DMD: variants seen among roughly 807,000 people sequenced by gnomAD.
The protein encoded by DMD is dystrophin, also known as mutant dystrophin.
In DMD, 63 loss-of-function variants were observed where a neutral mutation model predicts 330.1. The observed-to-expected ratio is 0.19, with a 90% CI of 0.16 to 0.24. The LOEUF is 0.24. DMD is among the 10% of genes least tolerant of loss of function. The probability of loss-of-function intolerance (pLI) is 1.00; values close to 1 mark genes in which losing one functional copy is unlikely to be tolerated. For synonymous variants in DMD, 1,223 were observed against 959.8 expected (o/e 1.27, Z -5.07); for missense variants, 3,344 against 2,684.1 (o/e 1.25, Z -5.43).
intron 64 of DMD, among the ~76,000 whole-genome samples, chrX:31,215,767 T>A (rs955145029): frequency 1.5e-4 from 17 of 112,289 alleles, no homozygotes; most frequent in African/African-American, 5.5e-4. Context: ...TTTGCCCCAT[T>A]ACTCCGTGTG....
At chrX:32,674,820 C>T (rs1407943420) in intron 9 of DMD, among the ~76,000 whole-genome samples, 1 of 111,321 alleles carries the variant, frequency 9.0e-6, no homozygotes, top group African/African-American at 3.3e-5. Flanking sequence ...GAAGCAAAGA[C>T]TTCTCCTTAA....
At chrX:32,790,401 G>T (rs1056895107) in intron 7 of DMD, among the ~76,000 whole-genome samples, 2 of 111,075 alleles carry the variant, frequency 1.8e-5, no homozygotes, top group Admixed American at 1.9e-4. Flanking sequence ...ACCCGTGTGG[G>T]CCCCCAAACC....
At chrX:31,362,885 G>A (rs913022221) in intron 60 of DMD, among the ~76,000 whole-genome samples, 25 of 112,721 alleles carry the variant, frequency 2.2e-4, no homozygotes, top group Admixed American at 1.6e-3. Context: ...CGGAGGCGGA[G>A]CTTGCAGTGA....
intron 2 of DMD, among the ~76,000 whole-genome samples, chrX:32,955,395 T>TC (rs59555675): frequency 1.8e-5 from 2 of 110,441 alleles, no homozygotes; most frequent in East Asian, 5.8e-4. Context: ...GGTTTTTTTT[T>TC]CTCATAGATT....
intron 55 of DMD, among the ~76,000 whole-genome samples, chrX:31,516,172 C>T (rs1451812935): frequency 9.2e-6 from 1 of 108,480 alleles, no homozygotes; most frequent in East Asian, 2.9e-4. Context: ...TAAAAAGCAT[C>T]GGCTTAAATT....
intron 1 of DMD, among the ~76,000 whole-genome samples, chrX:33,124,925 G>A (rs144949031): frequency 0.019 from 1,964 of 105,027 alleles, 55 homozygotes; most frequent in African/African-American, 0.064. Context: ...TCGGGAGGCT[G>A]AGGCAGGAGA....
At chrX:32,912,544 T>C (rs1205670865) in intron 2 of DMD, among the ~76,000 whole-genome samples, 2 of 111,816 alleles carry the variant, frequency 1.8e-5, no homozygotes, top group Non-Finnish European at 3.8e-5. Flanking sequence ...AACAGTAGTA[T>C]GCATAAATAA....
intron 51 of DMD, among the ~76,000 whole-genome samples, chrX:31,748,532 A>G (rs760747572): frequency 4.5e-5 from 5 of 111,997 alleles, no homozygotes; most frequent in Non-Finnish European, 9.4e-5. Flanking sequence ...ATGTTCTGCT[A>G]CACTTTCTCG....
At chrX:31,961,740 GT>G (rs59279553) in intron 45 of DMD, among the ~76,000 whole-genome samples, 200 of 75,576 alleles carry the variant, frequency 2.6e-3, no homozygotes, top group Middle Eastern at 7.6e-3. Flanking sequence ...AAAGGAAGCG[GT>G]TTTTTTTTTT....
intron 55 of DMD, among the ~76,000 whole-genome samples, chrX:31,566,499 C>T (rs1174151206): frequency 1.8e-5 from 2 of 111,840 alleles, no homozygotes; most frequent in Non-Finnish European, 3.8e-5. Flanking sequence ...GATAGCCTTA[C>T]TATATTGTTA....
chrX:31,812,065 C>T (rs1328540265), intron 50 of DMD, among the ~76,000 whole-genome samples: 1 of 108,330 alleles, frequency 9.2e-6, no homozygotes, highest in Non-Finnish European at 1.9e-5. Context: ...GCAATTTAAG[C>T]CAACAAAAGT....
At chrX:32,017,642 A>T (rs978633497) in intron 44 of DMD, among the ~76,000 whole-genome samples, 6 of 111,747 alleles carry the variant, frequency 5.4e-5, no homozygotes, top group Non-Finnish European at 7.5e-5. Flanking sequence ...GTAACGAGGA[A>T]CTGGCCTGGA....
intron 44 of DMD, among the ~76,000 whole-genome samples, chrX:32,033,607 A>AGAC (rs1569534636): frequency 8.8e-4 from 45 of 51,217 alleles, no homozygotes; most frequent in Non-Finnish European, 1.3e-3. Flanking sequence ...GACAGACAGA[A>AGAC]AGAAAGAAAG....
At chrX:32,621,994 A>G (rs900689221) in intron 11 of DMD, among the ~76,000 whole-genome samples, 10 of 111,739 alleles carry the variant, frequency 8.9e-5, no homozygotes, top group African/African-American at 3.3e-4. Flanking sequence ...CTCACACTTG[A>G]AAATTACTGC....
At chrX:32,847,112 T>C (rs1158427460) in intron 3 of DMD, among the ~76,000 whole-genome samples, 1 of 112,442 alleles carries the variant, frequency 8.9e-6, no homozygotes, top group Non-Finnish European at 1.9e-5. Flanking sequence ...CTTTAAAGTT[T>C]TGAAAATAAT....
chrX:32,729,264 C>A (rs1418346266), intron 7 of DMD, among the ~76,000 whole-genome samples: 2 of 111,498 alleles, frequency 1.8e-5, no homozygotes, highest in African/African-American at 6.5e-5. Flanking sequence ...TGAAAATATC[C>A]AAAATCCAAA....
rs72468700 is a variant in DMD at position 32,614,462 on chromosome X, T to A, written c.1332-9A>T. 1 of 1,198,111 alleles carries A rather than the reference T, an allele frequency of 8.3e-7. No homozygotes were observed. The highest frequency in any genetic ancestry group is 1.7e-5 in the African/African-American group (1 of 57,279). On this transcript the variant is annotated splice_polypyrimidine_tract_variant and intron_variant, in intron 11 of 78. Transcript: ENST00000357033. ...TTAAAACTCTATGTAAACTGAAAATTTGAAAGAAGCCTATTATGACCTCTT... is the reference window on the plus strand; with the variant it reads ...TTAAAACTCTATGTAAACTGAAAATATGAAAGAAGCCTATTATGACCTCTT...
At chrX:32,638,406 C>A (rs2059235710) in intron 11 of DMD, among the ~76,000 whole-genome samples, 1 of 112,165 alleles carries the variant, frequency 8.9e-6, no homozygotes. Flanking sequence ...TCTACTCTGT[C>A]TTAATTTCAG....
chrX:32,787,945 A>C (rs910503038), intron 7 of DMD, among the ~76,000 whole-genome samples: 4 of 111,665 alleles, frequency 3.6e-5, no homozygotes, highest in African/African-American at 1.3e-4. Flanking sequence ...TTCTGGGCTC[A>C]TATTACGGGC....
Sources: allele counts gnomAD v4.1 joint callset (sites outside exome capture counted in the v4.1 genomes callset), GRCh38; gene constraint gnomAD v4.1.1; transcripts MANE v1.5; gene names NCBI Gene and HGNC (gene_info 2026-07-23, HGNC 2026-07-21).